Variants in GPC5 observed in about 807,000 individuals in gnomAD.
GPC5 encodes glypican 5, also known as glypican-5.
In GPC5, 47 loss-of-function variants were observed where a neutral mutation model predicts 53.9. The observed-to-expected ratio is 0.87, with a 90% CI of 0.69 to 1.11. The LOEUF (loss-of-function observed/expected upper bound fraction) is 1.11. Among genes scored for constraint, GPC5 ranks in the 50% most tolerant of loss-of-function variants. The probability of loss-of-function intolerance (pLI) is 0.00; values close to 1 mark genes in which losing one functional copy is unlikely to be tolerated. For missense variants in GPC5, 748 were observed against 713.1 expected (o/e 1.05, Z -0.56); for synonymous variants, 286 against 263.3 (o/e 1.09, Z -0.84).
intron 7 of GPC5, among the ~76,000 whole-genome samples, chr13:92,694,627 C>T (rs147900141): frequency 2.4e-4 from 37 of 152,342 alleles, no homozygotes; most frequent in African/African-American, 8.9e-4. Flanking sequence ...CCTGTACCCA[C>T]ATTGCATCCT....
intron 7 of GPC5, among the ~76,000 whole-genome samples, chr13:92,636,485 A>C (rs1331427240): frequency 1.3e-5 from 2 of 152,140 alleles, no homozygotes; most frequent in African/African-American, 2.4e-5. Flanking sequence ...AACTGCCTTT[A>C]GCAGTTCCCT....
At chr13:91,675,666 T>C (rs1246014398) in intron 2 of GPC5, among the ~76,000 whole-genome samples, 1 of 152,212 alleles carries the variant, frequency 6.6e-6, no homozygotes. Context: ...GGAGACTTCC[T>C]GTGTAGGATG....
chr13:92,126,043 C>T (rs2041694442), intron 6 of GPC5, among the ~76,000 whole-genome samples: 1 of 136,468 alleles, frequency 7.3e-6, no homozygotes, highest in Non-Finnish European at 1.5e-5. Context: ...CAACCTCCAC[C>T]TCCTGGGTTG....
intron 7 of GPC5, among the ~76,000 whole-genome samples, chr13:92,317,934 G>C (rs1042934176): frequency 1.3e-5 from 2 of 152,128 alleles, no homozygotes; most frequent in Non-Finnish European, 2.9e-5. Flanking sequence ...TTCAATTCTG[G>C]TGAATGAAGT....
At chr13:91,815,890 C>T (rs1566280473) in intron 5 of GPC5, among the ~76,000 whole-genome samples, 1 of 152,136 alleles carries the variant, frequency 6.6e-6, no homozygotes, top group African/African-American at 2.4e-5. Context: ...TCTTCCTTCC[C>T]TCATGCCACT....
intron 4 of GPC5, among the ~76,000 whole-genome samples, chr13:91,740,601 C>T (rs1017847063): frequency 6.6e-6 from 1 of 152,152 alleles, no homozygotes; most frequent in East Asian, 1.9e-4. Flanking sequence ...ATAATGTGCA[C>T]ATCAAAGACC....
intron 2 of GPC5, among the ~76,000 whole-genome samples, chr13:91,650,756 T>A (rs200645990): frequency 7.1e-5 from 9 of 126,980 alleles, no homozygotes; most frequent in Non-Finnish European, 1.5e-4. Context: ...ATAAGTTTTT[T>A]TTTTTTTTTT....
intron 7 of GPC5, among the ~76,000 whole-genome samples, chr13:92,402,733 G>T (rs539820062): frequency 0.011 from 1,612 of 152,280 alleles, 30 homozygotes; most frequent in African/African-American, 0.037. Flanking sequence ...AAGCCAAAAA[G>T]CTTCTAAAAG....
At chr13:92,392,191 A>G (rs751583073) in intron 7 of GPC5, among the ~76,000 whole-genome samples, 2 of 152,136 alleles carry the variant, frequency 1.3e-5, no homozygotes, top group South Asian at 2.1e-4. Context: ...ATAACTTACC[A>G]CTTTTAAAAT....
intron 5 of GPC5, among the ~76,000 whole-genome samples, chr13:91,818,361 C>A (rs2138824234): frequency 6.6e-6 from 1 of 152,228 alleles, no homozygotes; most frequent in East Asian, 1.9e-4. Flanking sequence ...AAATAACACC[C>A]AACTTTTTAT....
intron 2 of GPC5, among the ~76,000 whole-genome samples, chr13:91,571,762 T>TATACACACATATAC (rs2031796196): frequency 2.6e-5 from 3 of 114,618 alleles, no homozygotes; most frequent in African/African-American, 1.3e-4. Flanking sequence ...CATATACATG[T>TATACACACATATAC]GTATGTGTAT....
intron 7 of GPC5, among the ~76,000 whole-genome samples, chr13:92,371,012 G>C (rs1283491067): frequency 6.6e-6 from 1 of 152,016 alleles, no homozygotes; most frequent in Non-Finnish European, 1.5e-5. Flanking sequence ...AGCTGGGTGT[G>C]GTGTTAGGTG....
intron 2 of GPC5, among the ~76,000 whole-genome samples, chr13:91,649,987 C>T (rs1026989111): frequency 1.2e-4 from 18 of 152,116 alleles, no homozygotes; most frequent in Non-Finnish European, 1.9e-4. Context: ...CATAGAGTCC[C>T]ATTATCCCTC....
chr13:92,308,142 T>C (rs1321464785), intron 7 of GPC5, among the ~76,000 whole-genome samples: 1 of 152,176 alleles, frequency 6.6e-6, no homozygotes, highest in Non-Finnish European at 1.5e-5. Flanking sequence ...AATGCCGTGA[T>C]TTTCTATTAC....
chr13:92,843,311 T>G (rs1695575085), intron 7 of GPC5, among the ~76,000 whole-genome samples: 1 of 152,150 alleles, frequency 6.6e-6, no homozygotes, highest in Non-Finnish European at 1.5e-5. Context: ...ATAGACTAAA[T>G]TTTTGAGTCT....
chr13:92,847,674 CA>C (rs1878657754), intron 7 of GPC5, among the ~76,000 whole-genome samples: 1 of 151,454 alleles, frequency 6.6e-6, no homozygotes, highest in Non-Finnish European at 1.5e-5. Flanking sequence ...TTCTTTATAG[CA>C]ATGTGAGAAG....
intron 7 of GPC5, among the ~76,000 whole-genome samples, chr13:92,564,851 A>T (rs1882814561): frequency 6.6e-6 from 1 of 152,192 alleles, no homozygotes; most frequent in East Asian, 1.9e-4. Flanking sequence ...AGGCTAATTT[A>T]CTTCAGATCG....
intron 6 of GPC5, among the ~76,000 whole-genome samples, chr13:92,078,289 C>G (rs1050621711): frequency 6.6e-6 from 1 of 152,146 alleles, no homozygotes. Flanking sequence ...CAGTAAAACA[C>G]CTTTATTCTG....
chr13:92,668,404 A>C (rs145882101), intron 7 of GPC5, among the ~76,000 whole-genome samples: 1 of 152,294 alleles, frequency 6.6e-6, no homozygotes, highest in South Asian at 2.1e-4. Flanking sequence ...TTCCAGGCTA[A>C]GTTTAAGCTA....
Sources: allele counts gnomAD v4.1 joint callset (sites outside exome capture counted in the v4.1 genomes callset), GRCh38; gene constraint gnomAD v4.1.1; transcripts MANE v1.5; gene names NCBI Gene and HGNC (gene_info 2026-07-23, HGNC 2026-07-21).